Variants in OR51B5 observed in about 807,000 individuals in gnomAD.
The protein encoded by OR51B5 is olfactory receptor family 51 subfamily B member 5.
For missense variants in OR51B5, 456 were observed against 374.6 expected (o/e 1.22, Z -1.79); for synonymous variants, 186 against 144.8 (o/e 1.28, Z -2.04).
chr11:5,398,846 C>T (rs1160297246), intron 1 of OR51B5, among the ~76,000 whole-genome samples: 2 of 152,156 alleles, frequency 1.3e-5, no homozygotes, highest in African/African-American at 2.4e-5. Context: ...GAGGCCTCCC[C>T]AGCTATGTGG....
chr11:5,457,226 A>C (rs1342029884), intron 1 of OR51B5, among the ~76,000 whole-genome samples: 1 of 152,112 alleles, frequency 6.6e-6, no homozygotes, highest in African/African-American at 2.4e-5. Context: ...ATGTGAAAAG[A>C]GGTGGTTTTG....
chr11:5,400,424 C>T (rs987049668), intron 1 of OR51B5, among the ~76,000 whole-genome samples: 1 of 151,948 alleles, frequency 6.6e-6, no homozygotes, highest in Non-Finnish European at 1.5e-5. Flanking sequence ...ATTATATGCC[C>T]ACTGCCACTG....
At chr11:5,498,270 G>A (rs1851678803) in intron 1 of OR51B5, among the ~76,000 whole-genome samples, 1 of 152,204 alleles carries the variant, frequency 6.6e-6, no homozygotes, top group African/African-American at 2.4e-5. Flanking sequence ...GTGAACAGCA[G>A]TGGTAGTTCC....
At chr11:5,428,009 G>T (rs552339763) in intron 1 of OR51B5, among the ~76,000 whole-genome samples, 1 of 151,986 alleles carries the variant, frequency 6.6e-6, no homozygotes, top group Admixed American at 6.6e-5. Context: ...TAAAGAACAT[G>T]TTCATGTATT....
intron 1 of OR51B5, among the ~76,000 whole-genome samples, chr11:5,439,014 T>C (rs1465034349): frequency 4.6e-5 from 7 of 152,174 alleles, no homozygotes; most frequent in African/African-American, 1.4e-4. Context: ...ATCAGGAGAC[T>C]TGTGTACAGT....
In OR51B5 at chr11:5,450,797, C is replaced by T. The variant is rs1009207632; in HGVS notation, n.84+54772G>A. 4.6e-5 allele frequency among the ~76,000 whole-genome samples: 7 copies of T among 152,172 alleles called. No homozygotes were observed. In the East Asian group the frequency reaches 1.3e-3, roughly 29 times the overall value. On this transcript the variant is annotated intron_variant and non_coding_transcript_variant, in intron 1 of 4. Coordinates refer to the OR51B5 transcript ENST00000415970. ...GAAGAGAGTCACTGTTCAACTCCCG[C>T]TTATGAGTGAGAGCATGCGGTGTTT...
intron 1 of OR51B5, chr11:5,453,722 GC>G (rs753761760): frequency 3.0e-5 from 48 of 1,613,904 alleles, no homozygotes; most frequent in Middle Eastern, 1.6e-4. Flanking sequence ...TGGCCACACT[GC>G]CCACTGTACT....
intron 1 of OR51B5, among the ~76,000 whole-genome samples, chr11:5,480,415 A>G (rs1431370432): frequency 1.3e-5 from 2 of 152,014 alleles, no homozygotes; most frequent in Non-Finnish European, 2.9e-5. Context: ...GGAAAGATCC[A>G]AAATTGACAC....
chr11:5,349,692 T>C (rs185287141), intron 1 of OR51B5, among the ~76,000 whole-genome samples: 97 of 152,326 alleles, frequency 6.4e-4, no homozygotes, highest in African/African-American at 2.2e-3. Flanking sequence ...ACTGCTTCTT[T>C]AATCCTGCAT....
At position 5,418,877 on chromosome 11, in the gene OR51B5, T is replaced by TAA. The variant is rs10636129; in HGVS notation, n.85-71969_85-71968dup. Among the ~76,000 whole-genome samples the TAA allele has an allele frequency of 1.0e-4, 14 of 133,642 alleles. No homozygotes were observed. In the South Asian group the frequency reaches 2.0e-3, roughly 19 times the overall value. 87.7% of individuals were successfully genotyped at this position (133,642 alleles called of 152,430 possible). ...ATGTACCCCAGAACTTGAAGTATTATAAAAAAAAAAAAAGCATCATCTGGT... is the reference window on the plus strand; with the variant it reads ...ATGTACCCCAGAACTTGAAGTATTATAAAAAAAAAAAAAAAGCATCATCTGGT... On this transcript the variant is annotated intron_variant and non_coding_transcript_variant, in intron 1 of 4. Coordinates refer to the OR51B5 transcript ENST00000415970.
At chr11:5,476,840 G>A (rs1477251440) in intron 1 of OR51B5, among the ~76,000 whole-genome samples, 2 of 151,988 alleles carry the variant, frequency 1.3e-5, no homozygotes, top group Non-Finnish European at 1.5e-5. Flanking sequence ...ATATGTTACA[G>A]AGTTAGATAG....
intron 1 of OR51B5, among the ~76,000 whole-genome samples, chr11:5,395,969 G>C (rs1849863916): frequency 6.6e-6 from 1 of 152,230 alleles, no homozygotes; most frequent in East Asian, 1.9e-4. Context: ...AATTGCATAT[G>C]AATGGCTCTC....
At chr11:5,491,105 T>C (rs1333357148) in intron 1 of OR51B5, among the ~76,000 whole-genome samples, 1 of 152,242 alleles carries the variant, frequency 6.6e-6, no homozygotes, top group Non-Finnish European at 1.5e-5. Flanking sequence ...TGTATCATAG[T>C]CTTAGTTGAT....
chr11:5,453,826 G>T (rs1487333451), intron 1 of OR51B5: 2 of 1,614,194 alleles, frequency 1.2e-6, no homozygotes, highest in Non-Finnish European at 1.7e-6. Context: ...ATGGAATCAG[G>T]TATTCTGCTG....
At chr11:5,477,603 G>C (rs1042847132) in intron 1 of OR51B5, among the ~76,000 whole-genome samples, 1 of 152,198 alleles carries the variant, frequency 6.6e-6, no homozygotes, top group African/African-American at 2.4e-5. Flanking sequence ...TGAGGTACCG[G>C]GTTCATATCA....
intron 1 of OR51B5, among the ~76,000 whole-genome samples, chr11:5,411,321 T>C (rs1014553744): frequency 6.6e-6 from 1 of 152,232 alleles, no homozygotes; most frequent in Admixed American, 6.5e-5. Context: ...AACATGTACA[T>C]GTTTGTAGCC....
At chr11:5,464,437 C>CCT (rs780613142) in intron 1 of OR51B5, among the ~76,000 whole-genome samples, 1 of 138,870 alleles carries the variant, frequency 7.2e-6, no homozygotes, top group African/African-American at 2.6e-5. Context: ...ATCCCTCCCC[C>CCT]CCACCCACCC....
intron 1 of OR51B5, chr11:5,422,081 A>G: frequency 1.2e-6 from 1 of 823,424 alleles, no homozygotes; most frequent in Non-Finnish European, 1.9e-6. Flanking sequence ...AGTTACCCTC[A>G]ACAACTCTGA....
chr11:5,374,708 C>T (rs564596366), intron 1 of OR51B5, among the ~76,000 whole-genome samples: 4 of 151,938 alleles, frequency 2.6e-5, no homozygotes, highest in Admixed American at 1.3e-4. Flanking sequence ...GGAGCTGATG[C>T]GATCAACTGG....
Sources: gnomAD v4.1 joint callset for allele counts (sites outside exome capture counted in the v4.1 genomes callset) on GRCh38, gnomAD v4.1.1 for gene constraint, MANE v1.5 for transcripts, NCBI Gene and HGNC (gene_info 2026-07-23, HGNC 2026-07-21) for gene names.